The following DCBLD2 variants were observed in gnomAD, a reference collection of about 807,000 sequenced individuals.
The protein encoded by DCBLD2 is discoidin, CUB and LCCL domain containing 2.
A neutral mutation model predicts 86.8 loss-of-function variants in DCBLD2; 54 were observed. The observed-to-expected ratio is 0.62, with a 90% CI of 0.50 to 0.78. The LOEUF (loss-of-function observed/expected upper bound fraction) is 0.78, where lower values mean the gene tolerates loss of function less well. DCBLD2 is among the 30% of genes least tolerant of loss of function. The probability of loss-of-function intolerance (pLI) is 0.00; values close to 1 mark genes in which losing one functional copy is unlikely to be tolerated. For synonymous variants in DCBLD2, 354 were observed against 341.3 expected (o/e 1.04, Z -0.41); for missense variants, 908 against 954.2 (o/e 0.95, Z 0.64).
chr3:98,806,669 T>C (rs828606), intron 13 of DCBLD2, among the ~76,000 whole-genome samples: 147,909 of 152,230 alleles, frequency 0.97, 72,014 homozygotes, highest in East Asian at 1. Flanking sequence ...ATACTTGACA[T>C]AGGGTAACAG....
At chr3:98,860,753 C>A (rs183386437) in intron 2 of DCBLD2, among the ~76,000 whole-genome samples, 1 of 152,294 alleles carries the variant, frequency 6.6e-6, no homozygotes, top group African/African-American at 2.4e-5. Context: ...ACAACCAATA[C>A]CAGCCACTGC....
intron 2 of DCBLD2, among the ~76,000 whole-genome samples, chr3:98,865,996 G>A (rs999908617): frequency 3.3e-5 from 5 of 151,984 alleles, no homozygotes; most frequent in Non-Finnish European, 5.9e-5. Flanking sequence ...TGCTGAGAAT[G>A]ATGGTTTCCA....
At chr3:98,831,488 A>G (rs1942322160) in intron 3 of DCBLD2, among the ~76,000 whole-genome samples, 1 of 151,950 alleles carries the variant, frequency 6.6e-6, no homozygotes. Context: ...TTGATTATAC[A>G]TATTCTGCTA....
chr3:98,857,029 T>A (rs1942943726), intron 2 of DCBLD2, among the ~76,000 whole-genome samples: 1 of 152,226 alleles, frequency 6.6e-6, no homozygotes, highest in African/African-American at 2.4e-5. Context: ...GTGTTACGGT[T>A]CTTAAAGGTG....
chr3:98,892,912 C>A (rs1172936619), intron 1 of DCBLD2, among the ~76,000 whole-genome samples: 1 of 152,040 alleles, frequency 6.6e-6, no homozygotes, highest in African/African-American at 2.4e-5. Context: ...AACACTGAAG[C>A]ACACCAACAG....
At chr3:98,869,529 C>T (rs965495633) in intron 2 of DCBLD2, among the ~76,000 whole-genome samples, 1 of 152,112 alleles carries the variant, frequency 6.6e-6, no homozygotes, top group African/African-American at 2.4e-5. Context: ...CAGAATTTTT[C>T]CTAGGGCTTC....
chr3:98,870,749 G>GAAAGAAAGA lies in DCBLD2; in HGVS notation c.433+10782_433+10790dup, dbSNP rs1553731661. The stretch of plus-strand genomic sequence containing the variant: ...AAGAAAAGAAAGAAAAAGAAAGAAA[G>GAAAGAAAGA]AAAGAAAGAAAGAAAGAAAGAAAGA... On this transcript the variant is annotated intron_variant, in intron 2 of 15. Coordinates refer to ENST00000326840, the MANE Select transcript of DCBLD2 (RefSeq NM_080927.4). Among the ~76,000 whole-genome samples, 75 of 111,270 alleles carry GAAAGAAAGA rather than the reference G, an allele frequency of 6.7e-4. 2 individuals carry two copies. Among genetic ancestry groups the GAAAGAAAGA allele is most frequent in the African/African-American group, 1.5e-3 (40 of 27,384 alleles). The allele number at this position is 111,270 out of a possible 152,430, so 73.0% of individuals were successfully genotyped here. A position where few individuals can be genotyped will look rare whatever the true frequency, so the allele number is the denominator to read the frequency against.
At chr3:98,881,264 A>C (rs1559798327) in intron 2 of DCBLD2, among the ~76,000 whole-genome samples, 1 of 122,376 alleles carries the variant, frequency 8.2e-6, no homozygotes, top group Non-Finnish European at 1.7e-5. Context: ...CAAAAAAAAA[A>C]ACAAAAAAAA....
intron 1 of DCBLD2, among the ~76,000 whole-genome samples, chr3:98,895,919 T>C (rs969285728): frequency 2.6e-5 from 4 of 152,204 alleles, no homozygotes; most frequent in Non-Finnish European, 5.9e-5. Context: ...ATACTGATAG[T>C]TCTTAATGAG....
chr3:98,800,776 G>C, intron 14 of DCBLD2, 60 bp from the exon 15 acceptor site: 1 of 1,602,216 alleles, frequency 6.2e-7, no homozygotes, highest in Non-Finnish European at 8.5e-7. Flanking sequence ...TCAAACAGTA[G>C]TATCAAGAGA....
chr3:98,838,614 G>A (rs1209073167), intron 3 of DCBLD2, among the ~76,000 whole-genome samples: 4 of 151,922 alleles, frequency 2.6e-5, no homozygotes, highest in Non-Finnish European at 5.9e-5. Context: ...GGGCGGCCAG[G>A]CAGAGACACT....
At chr3:98,832,259 C>A (rs1013816839) in intron 3 of DCBLD2, among the ~76,000 whole-genome samples, 10 of 152,118 alleles carry the variant, frequency 6.6e-5, no homozygotes, top group Admixed American at 2.6e-4. Context: ...GGTTGCAATG[C>A]CTGCATTTTT....
intron 2 of DCBLD2, among the ~76,000 whole-genome samples, chr3:98,856,781 C>A (rs1418471428): frequency 1.3e-5 from 2 of 151,528 alleles, no homozygotes; most frequent in Non-Finnish European, 2.9e-5. Context: ...AGAATTAAGA[C>A]ATTATAAAGT....
chr3:98,848,877 ATGT>A (rs1224946160), intron 3 of DCBLD2, among the ~76,000 whole-genome samples: 1 of 152,176 alleles, frequency 6.6e-6, no homozygotes, highest in Non-Finnish European at 1.5e-5. Context: ...AATTTTAAAA[ATGT>A]TATTATAGGC....
Position 98,796,131 on chromosome 3 carries a change from T to C in DCBLD2, c.*3241A>G, listed in dbSNP as rs1274686631. On this transcript the variant is annotated 3_prime_UTR_variant, in exon 16 of 16. Coordinates refer to ENST00000326840, the MANE Select transcript of DCBLD2 (RefSeq NM_080927.4). Reference sequence around the variant, plus strand: ...ACAAATACTGAGTGACTACAGTACATGCCGAGGTAAGATAAGTACATTCTG... The same window carrying C: ...ACAAATACTGAGTGACTACAGTACACGCCGAGGTAAGATAAGTACATTCTG... The C allele has an allele frequency of 6.6e-6, 1 of 152,640 alleles. No homozygotes were observed. The highest frequency in any genetic ancestry group is 2.4e-5 in the African/African-American group (1 of 41,458). The allele number at this position is 152,640 out of a possible 1,614,324, so 9.5% of individuals were successfully genotyped here.
Position 98,825,329 on chromosome 3 carries a change from CA to C in DCBLD2, c.608del (p.Leu203TrpfsTer43). The C allele has an allele frequency of 1.9e-6, 3 of 1,538,850 alleles. No individual in the cohort carries two copies. Among genetic ancestry groups the C allele is most frequent in the Non-Finnish European group, 2.6e-6 (3 of 1,150,788 alleles). Reference protein sequence around the residue: ...ITCLDTASNFLEPEFSKYCPA... With the variant: ...ITCLDTASNFXEPEFSKYCPA... Reference sequence around the variant, plus strand: ...TATAATCATACCTGAACTCAGGTTCCAAAAAATTGGATGCAGTGTCCAAACA... The same window carrying C: ...TATAATCATACCTGAACTCAGGTTCCAAAAATTGGATGCAGTGTCCAAACA... On this transcript the variant is annotated frameshift_variant, in exon 4 of 16. Coordinates refer to ENST00000326840, the MANE Select transcript of DCBLD2 (RefSeq NM_080927.4). LOFTEE classifies it high-confidence loss of function.
intron 2 of DCBLD2, among the ~76,000 whole-genome samples, chr3:98,880,509 G>A (rs1487349290): frequency 2.6e-5 from 4 of 152,122 alleles, no homozygotes; most frequent in East Asian, 1.9e-4. Flanking sequence ...CCCAGGAAGC[G>A]TTTAAGATAC....
At chr3:98,898,553 C>A (rs1246197056) in intron 1 of DCBLD2, among the ~76,000 whole-genome samples, 1 of 152,060 alleles carries the variant, frequency 6.6e-6, no homozygotes, top group Non-Finnish European at 1.5e-5. Flanking sequence ...AAGACAACAA[C>A]TGTCAACAGT....
chr3:98,839,168 T>C lies in DCBLD2; in HGVS notation c.571+10293A>G, dbSNP rs201455952. Among the ~76,000 whole-genome samples, 198 of 58,956 alleles carry C rather than the reference T, an allele frequency of 3.4e-3. 1 individual carries two copies. The highest frequency in any genetic ancestry group is 0.021 in the Admixed American group (77 of 3,752). 38.7% of individuals were successfully genotyped at this position (58,956 alleles called of 152,430 possible). A position where few individuals can be genotyped will look rare whatever the true frequency, so the allele number is the denominator to read the frequency against. On this transcript the variant is annotated intron_variant, in intron 3 of 15. Coordinates refer to ENST00000326840, the MANE Select transcript of DCBLD2 (RefSeq NM_080927.4). ...CCTTCTTTCTTTCTTTCTTTCTTTC[T>C]TTCCTTTCTTTCTTCCTTCCTTCCT...
Sources: gnomAD v4.1 joint callset for allele counts (sites outside exome capture counted in the v4.1 genomes callset) on GRCh38, gnomAD v4.1.1 for gene constraint, MANE v1.5 for transcripts, NCBI Gene and HGNC (gene_info 2026-07-23, HGNC 2026-07-21) for gene names.